The following C1orf116 variants were observed in gnomAD, a reference collection of about 807,000 sequenced individuals.
C1orf116 encodes specifically androgen-regulated gene protein.
A neutral mutation model predicts 14.1 loss-of-function variants in C1orf116; 12 were observed. The ratio of observed to expected loss-of-function variants is 0.85; its 90% CI spans 0.54 to 1.38. C1orf116 has a LOEUF of 1.38. C1orf116 is among the 40% of genes most tolerant of loss of function. The pLI, the probability that C1orf116 is intolerant of heterozygous loss-of-function variation, is 0.00. For missense variants in C1orf116, 797 were observed against 747.0 expected, an observed-to-expected ratio of 1.07 and a Z score of -0.78; for synonymous variants, 296 against 299.0, an observed-to-expected ratio of 0.99 and a Z score of 0.10.
In C1orf116 at chr1:207,022,407, T is replaced by C; in HGVS notation, c.1357A>G (p.Ser453Gly). ...TCTGGCTTCGGTGGAGTCAGGGCAC[T>C]GTTTGCCCTTGGGGCCTTAGGGATA... The part of the protein sequence containing the change: ...ISIPKAPRAN[S>G]ALTPPKPESG... The change falls in exon 4 of 4, where the codon AGT (serine) becomes GGT (glycine). Residue 453 changes from serine to glycine, a missense_variant. Ser to Gly is a moderately conservative substitution (Grantham distance 56). Coordinates refer to ENST00000359470, the MANE Select transcript of C1orf116 (RefSeq NM_023938.6). 6.2e-7 allele frequency: 1 copy of C among 1,614,196 alleles called. No individual in the cohort carries two copies. Among genetic ancestry groups the C allele is most frequent in the Non-Finnish European group, 8.5e-7 (1 of 1,180,016 alleles).
Position 207,021,956 on chromosome 1 carries a change from G to C in C1orf116, c.*2C>G, listed in dbSNP as rs766477131. The C allele has an allele frequency of 3.9e-6, 6 of 1,521,736 alleles. No homozygotes were observed. In the African/African-American group the frequency reaches 4.2e-5, roughly 11 times the overall value. The allele number at this position is 1,521,736 out of a possible 1,614,324, so 94.3% of individuals were successfully genotyped here. On this transcript the variant is annotated 3_prime_UTR_variant, in exon 4 of 4. Transcript: ENST00000359470. The stretch of plus-strand genomic sequence containing the variant: ...GGACAGGGTCTGTACTGGTCGCAGA[G>C]TCTACTCCTTCAACAGTCCCAGCTT...
chr1:207,025,765 G>A (rs1047031662), intron 2 of C1orf116, among the ~76,000 whole-genome samples: 3 of 152,228 alleles, frequency 2.0e-5, no homozygotes, highest in Non-Finnish European at 4.4e-5. Flanking sequence ...TAATGTTCAA[G>A]TAAGTGTGCA....
rs755154697 is a variant in C1orf116, at chr1:207,023,437, C to A, written c.327G>T (p.Arg109Ser). ...ETITQQGRTPRTVTESSSSHP... is the reference protein window; with the variant it reads ...ETITQQGRTPSTVTESSSSHP... ...GGGATGAGCTGGACTCAGTTACTGTCCTTGGCGTTCGTCCTTGCTGAGTGA... is the reference window on the plus strand; with the variant it reads ...GGGATGAGCTGGACTCAGTTACTGTACTTGGCGTTCGTCCTTGCTGAGTGA... Residue 109 changes from arginine to serine, a missense_variant, in exon 4 of 4, where the codon AGG becomes AGT. Transcript: ENST00000359470. The A allele has an allele frequency of 8.1e-6, 13 of 1,613,388 alleles. No individual in the cohort carries two copies. Among genetic ancestry groups the A allele is most frequent in the Non-Finnish European group, 1.0e-5 (12 of 1,179,752 alleles).
At chr1:207,024,594 C>T (rs1235452499) in intron 3 of C1orf116, among the ~76,000 whole-genome samples, 2 of 152,346 alleles carry the variant, frequency 1.3e-5, no homozygotes, top group East Asian at 1.9e-4. Flanking sequence ...CCCGCCTCTG[C>T]GGTCATATCT....
Position 207,022,516 on chromosome 1 carries a change from T to G in C1orf116, c.1248A>C (p.Pro416=). 2 of 1,614,198 alleles carry G rather than the reference T, an allele frequency of 1.2e-6. No homozygotes were observed. Among genetic ancestry groups the G allele is most frequent in the Non-Finnish European group, 1.7e-6 (2 of 1,180,024 alleles). ...AGKALAQAPA[P]APGPAQGPLP... ...AAGGTCCCTGAGCTGGACCTGGAGC[T>G]GGAGCCGGAGCTTGAGCCAGAGCCT... Residue 416 remains proline (P), a synonymous_variant, in exon 4 of 4, where the codon CCA becomes CCC. Coordinates refer to ENST00000359470, the MANE Select transcript of C1orf116 (RefSeq NM_023938.6).
chr1:207,030,836 C>T (rs1250508167), intron 1 of C1orf116, among the ~76,000 whole-genome samples: 2 of 152,150 alleles, frequency 1.3e-5, no homozygotes, highest in African/African-American at 2.4e-5. Flanking sequence ...ATATGCAGCA[C>T]CTATAGTCAG....
In C1orf116 at chr1:207,020,254, C is replaced by T. The variant is rs1323039258; in HGVS notation, c.*1704G>A. On this transcript the variant is annotated 3_prime_UTR_variant, in exon 4 of 4. Coordinates refer to ENST00000359470, the MANE Select transcript of C1orf116 (RefSeq NM_023938.6). Reference sequence around the variant, plus strand: ...GAGCAAACGTACACAGAAACCGCCACACCCACACCTCACATACCATGACAG... The same window carrying T: ...GAGCAAACGTACACAGAAACCGCCATACCCACACCTCACATACCATGACAG... 2.6e-5 allele frequency: 4 copies of T among 152,248 alleles called. No individual in the cohort carries two copies. The highest frequency in any genetic ancestry group is 5.9e-5 in the Non-Finnish European group (4 of 68,060). 9.4% of individuals were successfully genotyped at this position (152,248 alleles called of 1,614,324 possible). A position where few individuals can be genotyped will look rare whatever the true frequency, so the allele number is the denominator to read the frequency against.
In C1orf116 at chr1:207,031,451, C is replaced by T. The variant is rs373124479; in HGVS notation, c.-82+1128G>A. On this transcript the variant is annotated intron_variant, in intron 1 of 3. Coordinates refer to ENST00000359470, the MANE Select transcript of C1orf116 (RefSeq NM_023938.6). ...CTCTGTGGTGTGAGGTGAGCTCAAG[C>T]CTAAATCTCCAGTTGCCAGGACTGG... Among the ~76,000 whole-genome samples the T allele has an allele frequency of 1.8e-4, 27 of 152,168 alleles. No homozygotes were observed. In the East Asian group the frequency reaches 3.3e-3, roughly 19 times the overall value.
In C1orf116 at chr1:207,024,839, T is replaced by C. The variant is rs200541807; in HGVS notation, c.283+48A>G. The C allele has an allele frequency of 2.5e-6, 4 of 1,591,198 alleles. No individual in the cohort carries two copies. In the Admixed American group the frequency reaches 6.7e-5, roughly 27 times the overall value. ...TAGAAAGTGGCCGGAGGGGACATAT[T>C]GATTTTCTGGGTTTTGCTGGGGTTC... On this transcript the variant is annotated intron_variant, in intron 3 of 3. Transcript: ENST00000359470.
At chr1:207,026,127 AGGCCCACTCAG>A (rs1424564873) in intron 2 of C1orf116, among the ~76,000 whole-genome samples, 1 of 152,196 alleles carries the variant, frequency 6.6e-6, no homozygotes, top group African/African-American at 2.4e-5. Context: ...TATATTCTTC[AGGCCCACTCAG>A]ATGGCCAGGA....
chr1:207,031,061 C>T (rs1473755986), intron 1 of C1orf116, among the ~76,000 whole-genome samples: 1 of 152,174 alleles, frequency 6.6e-6, no homozygotes, highest in Non-Finnish European at 1.5e-5. Flanking sequence ...CACGAACCCC[C>T]CACATGTCCT....
In C1orf116 at chr1:207,027,568, TC is replaced by T; in HGVS notation, c.30del (p.Thr11LeufsTer6). On this transcript the variant is annotated frameshift_variant, in exon 2 of 4. Coordinates refer to ENST00000359470, the MANE Select transcript of C1orf116 (RefSeq NM_023938.6). LOFTEE classifies it high-confidence loss of function. ...ACACGGGTCACGGGTTCTGAGCCAG[TC>T]CCCGCTGGCCACAGCTCCCTCTCGG... MPERELWPA[G>X]TGSEPVTRVG... is the part of the protein sequence containing the mutation. 1 of 1,613,320 alleles carries T rather than the reference TC, an allele frequency of 6.2e-7. No individual in the cohort carries two copies.
intron 2 of C1orf116, 102 bp downstream of exon 2, chr1:207,027,392 G>T: frequency 1.4e-6 from 2 of 1,400,904 alleles, no homozygotes; most frequent in Non-Finnish European, 2.0e-6. Context: ...GAAAGAGAAG[G>T]TGCAGTGAGC....
In C1orf116 at chr1:207,019,737, G is replaced by A. The variant is rs1681776474; in HGVS notation, c.*2221C>T. On this transcript the variant is annotated 3_prime_UTR_variant, in exon 4 of 4. Transcript: ENST00000359470. ...GAAGCACGGTATCTTTAAAAAACAA[G>A]GGAAGGGAGTCTCAGATTAAGAAAA... The A allele has an allele frequency of 6.6e-6, 1 of 152,208 alleles. No homozygotes were observed. Among genetic ancestry groups the A allele is most frequent in the Admixed American group, 6.5e-5 (1 of 15,274 alleles). The allele number at this position is 152,208 out of a possible 1,614,324, so 9.4% of individuals were successfully genotyped here. A position where few individuals can be genotyped will look rare whatever the true frequency, so the allele number is the denominator to read the frequency against.
chr1:207,031,090 T>G (rs1359103786), intron 1 of C1orf116, among the ~76,000 whole-genome samples: 1 of 152,196 alleles, frequency 6.6e-6, no homozygotes, highest in Non-Finnish European at 1.5e-5. Context: ...TTTGCCTCTC[T>G]GCCTACTAGT....
chr1:207,025,089 G>T, intron 2 of C1orf116, 25 bp from the exon 3 acceptor site: 1 of 1,081,000 alleles, frequency 9.3e-7, no homozygotes, highest in Non-Finnish European at 1.3e-6. Flanking sequence ...GTTGGGGGCG[G>T]GGGCGGGGAG....
chr1:207,026,750 C>G (rs1281284806), intron 2 of C1orf116, among the ~76,000 whole-genome samples: 1 of 152,204 alleles, frequency 6.6e-6, no homozygotes, highest in Non-Finnish European at 1.5e-5. Context: ...GGATGCAGCA[C>G]AGATTTACTC....
intron 1 of C1orf116, among the ~76,000 whole-genome samples, chr1:207,031,105 G>A (rs775657417): frequency 1.3e-5 from 2 of 152,174 alleles, no homozygotes; most frequent in African/African-American, 2.4e-5. Context: ...ACTAGTCAAA[G>A]AGGTTTCCTG....
chr1:207,018,994 T>G lies in C1orf116; in HGVS notation c.*2964A>C, dbSNP rs1349527186. 6.6e-6 allele frequency: 1 copy of G among 152,302 alleles called. No homozygotes were observed. Among genetic ancestry groups the G allele is most frequent in the Non-Finnish European group, 1.5e-5 (1 of 68,104 alleles). 9.4% of individuals were successfully genotyped at this position (152,302 alleles called of 1,614,324 possible). A position where few individuals can be genotyped will look rare whatever the true frequency, so the allele number is the denominator to read the frequency against. On this transcript the variant is annotated 3_prime_UTR_variant, in exon 4 of 4. Coordinates refer to ENST00000359470, the MANE Select transcript of C1orf116 (RefSeq NM_023938.6). ...CACCTCCAGCTCGAACTCAGAACAT[T>G]GACAGGAACCTGCTCTTCAATCTTT...
Sources: gnomAD v4.1 joint callset for allele counts (sites outside exome capture counted in the v4.1 genomes callset) on GRCh38, gnomAD v4.1.1 for gene constraint, MANE v1.5 for transcripts, NCBI Gene and HGNC (gene_info 2026-07-23, HGNC 2026-07-21) for gene names.